CYB5B: variants seen among roughly 807,000 people sequenced by gnomAD.
CYB5B encodes the protein cytochrome b5 type B (outer mitochondrial membrane).
A neutral mutation model predicts 21.3 loss-of-function variants in CYB5B; 14 were observed. That is an observed-to-expected ratio of 0.66 (90% CI 0.43 to 1.03). The LOEUF (loss-of-function observed/expected upper bound fraction) is 1.03. Among genes scored for constraint, CYB5B ranks in the 50% least tolerant of loss-of-function variants. CYB5B has a pLI of 0.00. For missense variants in CYB5B, 166 were observed against 185.1 expected (o/e 0.90, Z 0.60); for synonymous variants, 69 against 68.4 (o/e 1.01, Z -0.04).
At position 69,424,765 on chromosome 16, in the gene CYB5B, C is replaced by T. The variant is rs1279566559; in HGVS notation, c.82C>T (p.Arg28Trp). 7.5e-6 allele frequency: 12 copies of T among 1,604,988 alleles called. No individual in the cohort carries two copies. In the Admixed American group the frequency reaches 2.0e-4, roughly 27 times the overall value. ...QEVETSVTYY[R>W]LEEVAKRNSL... ...AGTCGAGACCTCAGTCACCTATTACCGGTTGGAGGAGGTGGCAAAGCGCAA... is the reference window on the plus strand; with the variant it reads ...AGTCGAGACCTCAGTCACCTATTACTGGTTGGAGGAGGTGGCAAAGCGCAA... The change falls in exon 1 of 5, where the codon CGG becomes TGG. Residue 28 changes from arginine to tryptophan, a missense_variant. Transcript: ENST00000307892.
intron 3 of CYB5B, among the ~76,000 whole-genome samples, chr16:69,453,779 G>A (rs1417321570): frequency 1.3e-5 from 2 of 152,134 alleles, no homozygotes; most frequent in Non-Finnish European, 2.9e-5. Flanking sequence ...GGCTGGTCTC[G>A]AACTCCTGAC....
chr16:69,448,207 G>A (rs376974856), intron 3 of CYB5B, 63 bp downstream of exon 3: 1 of 1,557,514 alleles, frequency 6.4e-7, no homozygotes, highest in Non-Finnish European at 8.8e-7. Context: ...ACTGCTTTTT[G>A]AAACATTTTT....
chr16:69,451,942 CAA>C (rs1214465929), intron 3 of CYB5B, among the ~76,000 whole-genome samples: 36 of 64,676 alleles, frequency 5.6e-4, no homozygotes, highest in Admixed American at 5.4e-4. Flanking sequence ...GACGCCGTCT[CAA>C]AAAAAAAAAA....
At chr16:69,425,065 TATGTAATATCATGTATTA>T (rs1288024740) in intron 1 of CYB5B, among the ~76,000 whole-genome samples, 1 of 152,216 alleles carries the variant, frequency 6.6e-6, no homozygotes, top group Admixed American at 6.5e-5. Context: ...TCTGGTGCCT[TATGTAATATCATGTATTA>T]CTTATGTGTC....
At chr16:69,425,430 C>T (rs150634355) in intron 1 of CYB5B, among the ~76,000 whole-genome samples, 50 of 151,390 alleles carry the variant, frequency 3.3e-4, no homozygotes, top group African/African-American at 1.2e-3. Context: ...TTGTTTTTGA[C>T]TCATGTTTTG....
chr16:69,451,319 T>C (rs900753523), intron 3 of CYB5B, among the ~76,000 whole-genome samples: 18 of 152,182 alleles, frequency 1.2e-4, no homozygotes, highest in Non-Finnish European at 2.1e-4. Flanking sequence ...GCCTGCCTGC[T>C]TGCCTGCTCT....
rs1302759022 is a variant in CYB5B, at chr16:69,463,636, T to G, written c.*1116T>G. On this transcript the variant is annotated 3_prime_UTR_variant, in exon 5 of 5. Coordinates refer to ENST00000307892, the MANE Select transcript of CYB5B (RefSeq NM_030579.3). ...TTTCCAAAAGTAAGAGACTCCAGCA[T>G]GGCCTTCTGTTTGCCCCGCAGTAAA... is the stretch of plus-strand genomic sequence containing the variant. 6.6e-6 allele frequency: 1 copy of G among 152,222 alleles called. No individual in the cohort carries two copies. Among genetic ancestry groups the G allele is most frequent in the Non-Finnish European group, 1.5e-5 (1 of 68,044 alleles). The allele number at this position is 152,222 out of a possible 1,614,324, so 9.4% of individuals were successfully genotyped here.
At chr16:69,461,852 G>A (rs547943246) in intron 4 of CYB5B, among the ~76,000 whole-genome samples, 17 of 152,218 alleles carry the variant, frequency 1.1e-4, no homozygotes, top group African/African-American at 4.1e-4. Context: ...GATTTGGGGT[G>A]CAAAGCTTAT....
At chr16:69,429,915 TTTGA>T (rs2014687988) in intron 1 of CYB5B, among the ~76,000 whole-genome samples, 1 of 152,194 alleles carries the variant, frequency 6.6e-6, no homozygotes, top group African/African-American at 2.4e-5. Context: ...TTACCATTTT[TTTGA>T]TTAATGACTG....
At chr16:69,424,888 G>A (rs762173152) in intron 1 of CYB5B, 31 bp downstream of exon 1, 1 of 1,519,358 alleles carries the variant, frequency 6.6e-7, no homozygotes, top group South Asian at 1.3e-5. Flanking sequence ...GGCCTCTGAA[G>A]CTGCTGGGGC....
At position 69,424,748 on chromosome 16, in the gene CYB5B, C is replaced by T; in HGVS notation, c.65C>T (p.Thr22Ile). ...GSDGKGQEVE[T>I]SVTYYRLEEV... ...GATGGGAAAGGGCAGGAAGTCGAGACCTCAGTCACCTATTACCGGTTGGAG... is the reference window on the plus strand; with the variant it reads ...GATGGGAAAGGGCAGGAAGTCGAGATCTCAGTCACCTATTACCGGTTGGAG... Residue 22 changes from threonine (T) to isoleucine (I), a missense_variant, in exon 1 of 5, where the codon ACC (threonine) becomes ATC (isoleucine). Transcript: ENST00000307892. The T allele has an allele frequency of 6.2e-7, 1 of 1,602,008 alleles. No individual in the cohort carries two copies. The highest frequency in any genetic ancestry group is 8.5e-7 in the Non-Finnish European group (1 of 1,174,326).
In CYB5B at chr16:69,465,441, C is replaced by T. The variant is rs2015079508; in HGVS notation, c.*2921C>T. On this transcript the variant is annotated 3_prime_UTR_variant, in exon 5 of 5. Transcript: ENST00000307892. ...ATGACTTCTGCATTTGTAAAGATAA[C>T]AGAGTGGTGGGGTCAAAGTTTATCT... is the stretch of plus-strand genomic sequence containing the variant. The T allele has an allele frequency of 1.3e-5, 2 of 152,164 alleles. No individual in the cohort carries two copies. Among genetic ancestry groups the T allele is most frequent in the Admixed American group, 1.3e-4 (2 of 15,276 alleles). 9.4% of individuals were successfully genotyped at this position (152,164 alleles called of 1,614,324 possible). A position where few individuals can be genotyped will look rare whatever the true frequency, so the allele number is the denominator to read the frequency against.
chr16:69,424,666 T>C lies in CYB5B; in HGVS notation c.-18T>C, dbSNP rs2014621987. ...AGGAAAGTAGTCGCGGAATCTCAGT[T>C]AGCGGTGGAGAGGCAGTATGTCCGG... On this transcript the variant is annotated 5_prime_UTR_variant, in exon 1 of 5. Coordinates refer to ENST00000307892, the MANE Select transcript of CYB5B (RefSeq NM_030579.3). 1 of 1,518,496 alleles carries C rather than the reference T, an allele frequency of 6.6e-7. No individual in the cohort carries two copies. Among genetic ancestry groups the C allele is most frequent in the Admixed American group, 2.2e-5 (1 of 45,910 alleles). 94.1% of individuals were successfully genotyped at this position (1,518,496 alleles called of 1,614,324 possible).
At position 69,424,749 on chromosome 16, in the gene CYB5B, C is replaced by G. The variant is rs2142804419; in HGVS notation, c.66C>G (p.Thr22=). ...GSDGKGQEVE[T]SVTYYRLEEV... is the part of the protein sequence containing the mutation. ...ATGGGAAAGGGCAGGAAGTCGAGAC[C>G]TCAGTCACCTATTACCGGTTGGAGG... The change falls in exon 1 of 5, where the codon ACC becomes ACG. Residue 22 remains threonine, a synonymous_variant. Transcript: ENST00000307892. The G allele has an allele frequency of 1.2e-6, 2 of 1,602,488 alleles. No individual in the cohort carries two copies. The highest frequency in any genetic ancestry group is 1.1e-5 in the South Asian group (1 of 89,682).
At chr16:69,441,135 T>G (rs1046535671) in intron 1 of CYB5B, among the ~76,000 whole-genome samples, 3 of 151,064 alleles carry the variant, frequency 2.0e-5, no homozygotes, top group Non-Finnish European at 4.4e-5. Flanking sequence ...TATTCTGATT[T>G]CCCAGTTTTA....
chr16:69,452,642 T>C (rs904888389), intron 3 of CYB5B, among the ~76,000 whole-genome samples: 1 of 150,786 alleles, frequency 6.6e-6, no homozygotes, highest in Non-Finnish European at 1.5e-5. Context: ...TGCACTCTAG[T>C]CTGGGTGACA....
At chr16:69,426,354 G>T (rs2014646214) in intron 1 of CYB5B, among the ~76,000 whole-genome samples, 1 of 148,278 alleles carries the variant, frequency 6.7e-6, no homozygotes, top group African/African-American at 2.5e-5. Flanking sequence ...AGCCTAGATT[G>T]CGCCACTGCA....
At position 69,463,797 on chromosome 16, in the gene CYB5B, G is replaced by T. The variant is rs1437168851; in HGVS notation, c.*1277G>T. ...TTTCCATGAGAATAAAATACTGGCGGTTTTTTTCTCAGATGTGTGTTCATT... is the reference window on the plus strand; with the variant it reads ...TTTCCATGAGAATAAAATACTGGCGTTTTTTTTCTCAGATGTGTGTTCATT... On this transcript the variant is annotated 3_prime_UTR_variant, in exon 5 of 5. Coordinates refer to ENST00000307892, the MANE Select transcript of CYB5B (RefSeq NM_030579.3). 2 of 152,098 alleles carry T rather than the reference G, an allele frequency of 1.3e-5. No homozygotes were observed. The highest frequency in any genetic ancestry group is 2.9e-5 in the Non-Finnish European group (2 of 68,022). The allele number at this position is 152,098 out of a possible 1,614,324, so 9.4% of individuals were successfully genotyped here.
chr16:69,446,288 A>G (rs937818755), intron 1 of CYB5B, among the ~76,000 whole-genome samples: 7 of 152,166 alleles, frequency 4.6e-5, no homozygotes, highest in Admixed American at 2.0e-4. Context: ...TATAGAATCT[A>G]CTTCCTGAGG....
Sources: allele counts gnomAD v4.1 joint callset (sites outside exome capture counted in the v4.1 genomes callset), GRCh38; gene constraint gnomAD v4.1.1; transcripts MANE v1.5; gene names NCBI Gene and HGNC (gene_info 2026-07-23, HGNC 2026-07-21).